HORMAD2: variants seen among roughly 807,000 people sequenced by gnomAD.
HORMAD2 encodes HORMA domain-containing protein 2.
Under a neutral mutation model 38.8 loss-of-function variants are expected in HORMAD2, and 45 were observed. The ratio of observed to expected loss-of-function variants is 1.16; its 90% CI spans 0.91 to 1.49. The LOEUF (loss-of-function observed/expected upper bound fraction) is 1.49, where lower values mean the gene tolerates loss of function less well. Ranked by LOEUF, HORMAD2 falls within the 40% of genes most tolerant of loss-of-function variation. The pLI, the probability that HORMAD2 is intolerant of heterozygous loss-of-function variation, is 0.00. For synonymous variants in HORMAD2, 126 were observed against 122.8 expected, an observed-to-expected ratio of 1.03 and a Z score of -0.17; for missense variants, 338 against 367.0, an observed-to-expected ratio of 0.92 and a Z score of 0.65.
At chr22:30,108,690 A>AT (rs1921393013) in intron 5 of HORMAD2, among the ~76,000 whole-genome samples, 1 of 151,942 alleles carries the variant, frequency 6.6e-6, no homozygotes, top group East Asian at 1.9e-4. Flanking sequence ...TATCTTTGCT[A>AT]TTTTTTTGTT....
chr22:30,206,605 A>T, the HORMAD2 span, among the ~76,000 whole-genome samples: 1 of 151,444 alleles, frequency 6.6e-6, no homozygotes, highest in Non-Finnish European at 1.5e-5. Flanking sequence ...GCCTCAGCCT[A>T]CCAGGAACTG....
intron 3 of HORMAD2, among the ~76,000 whole-genome samples, chr22:30,100,677 A>T (rs1297785124): frequency 6.6e-6 from 1 of 152,244 alleles, no homozygotes; most frequent in Admixed American, 6.5e-5. Context: ...AATGTTTCCA[A>T]TCTATCCATC....
intron 10 of HORMAD2, among the ~76,000 whole-genome samples, chr22:30,138,625 C>T (rs1923835120): frequency 6.6e-6 from 1 of 151,792 alleles, no homozygotes; most frequent in African/African-American, 2.4e-5. Flanking sequence ...TTTCTTTCAG[C>T]CATGTTTTGT....
intron 10 of HORMAD2, among the ~76,000 whole-genome samples, chr22:30,160,737 A>G (rs1159916946): frequency 1.3e-5 from 2 of 152,236 alleles, no homozygotes; most frequent in African/African-American, 4.8e-5. Flanking sequence ...AAGCAATTAA[A>G]TAACTATAGT....
At chr22:30,181,965 C>G (rs933711680), downstream of HORMAD2, among the ~76,000 whole-genome samples, 5 of 152,214 alleles carry the variant, frequency 3.3e-5, no homozygotes, top group Admixed American at 1.3e-4. Context: ...ATACTGTAGT[C>G]TCTTCTAGCT....
At chr22:30,133,708 A>G (rs1325967396) in intron 10 of HORMAD2, among the ~76,000 whole-genome samples, 1 of 151,788 alleles carries the variant, frequency 6.6e-6, no homozygotes, top group East Asian at 1.9e-4. Context: ...CTTGTCCCCC[A>G]TGGTTCCCTA....
Position 30,107,355 on chromosome 22 carries a change from T to C in HORMAD2, c.294+2918T>C, listed in dbSNP as rs545689644. 6.3e-4 allele frequency among the ~76,000 whole-genome samples: 96 copies of C among 152,376 alleles called. 1 individual carries two copies. The highest frequency in any genetic ancestry group is 1.2e-3 in the Non-Finnish European group (80 of 68,038). On this transcript the variant is annotated intron_variant, in intron 5 of 10. Coordinates refer to ENST00000336726, the MANE Select transcript of HORMAD2 (RefSeq NM_152510.4). ...ATCAAAAGACAAAATTTTAGATAGATGACTTAGTCTCTTAAGTAAATAGTA... is the reference window on the plus strand; with the variant it reads ...ATCAAAAGACAAAATTTTAGATAGACGACTTAGTCTCTTAAGTAAATAGTA...
the HORMAD2 span, among the ~76,000 whole-genome samples, chr22:30,183,922 A>G: frequency 6.6e-6 from 1 of 152,226 alleles, no homozygotes; most frequent in Non-Finnish European, 1.5e-5. Flanking sequence ...CCTGCCTTCA[A>G]TGTGCACAAC....
intron 1 of HORMAD2, among the ~76,000 whole-genome samples, chr22:30,091,426 C>T (rs1601504183): frequency 6.6e-6 from 1 of 151,826 alleles, no homozygotes; most frequent in South Asian, 2.1e-4. Context: ...CCACCACACC[C>T]AGCTAATTTT....
In HORMAD2 at chr22:30,154,203, C is replaced by T. The variant is rs116416446; in HGVS notation, c.820-21860C>T. 3.3e-3 allele frequency among the ~76,000 whole-genome samples: 505 copies of T among 152,228 alleles called. 1 individual carries two copies. The highest frequency in any genetic ancestry group is 0.012 in the African/African-American group (481 of 41,522). On this transcript the variant is annotated intron_variant, in intron 10 of 10. Coordinates refer to ENST00000336726, the MANE Select transcript of HORMAD2 (RefSeq NM_152510.4). ...ACATGGACACATTTCAGAATAGTCA[C>T]TAGATAGGTTAGAAAAGAATAAGTG...
At chr22:30,128,936 C>T (rs903403357) in intron 10 of HORMAD2, among the ~76,000 whole-genome samples, 15 of 152,018 alleles carry the variant, frequency 9.9e-5, no homozygotes, top group East Asian at 1.9e-4. Context: ...ATGCCCTGGC[C>T]GGGCGCGGTG....
the HORMAD2 span, among the ~76,000 whole-genome samples, chr22:30,193,561 G>C: frequency 1.1e-4 from 16 of 152,166 alleles, no homozygotes; most frequent in Non-Finnish European, 1.6e-4. Context: ...AGTGGTGTTT[G>C]AGCTGAGGCC....
At position 30,112,509 on chromosome 22, in the gene HORMAD2, C is replaced by A; in HGVS notation, c.329C>A (p.Pro110His). Reference protein sequence around the residue: ...RMAVLTLYTDPMGSEKVTEMY... With the variant: ...RMAVLTLYTDHMGSEKVTEMY... Reference sequence around the variant, plus strand: ...TCCCTTATACAGCTTTACACAGATCCCATGGGATCTGAGGTAAGAACACAC... The same window carrying A: ...TCCCTTATACAGCTTTACACAGATCACATGGGATCTGAGGTAAGAACACAC... The change falls in exon 7 of 11, where the codon CCC (proline) becomes CAC (histidine). Residue 110 changes from proline to histidine, a missense_variant. By Grantham distance (77) the Pro-to-His change is moderately conservative. Transcript: ENST00000336726. 1.4e-6 allele frequency: 2 copies of A among 1,390,302 alleles called. No homozygotes were observed. Among genetic ancestry groups the A allele is most frequent in the Non-Finnish European group, 1.9e-6 (2 of 1,042,480 alleles). 86.1% of individuals were successfully genotyped at this position (1,390,302 alleles called of 1,614,324 possible). A position where few individuals can be genotyped will look rare whatever the true frequency, so the allele number is the denominator to read the frequency against.
chr22:30,205,115 C>T, the HORMAD2 span, among the ~76,000 whole-genome samples: 3 of 152,098 alleles, frequency 2.0e-5, no homozygotes, highest in Non-Finnish European at 2.9e-5. Flanking sequence ...TATAATATTG[C>T]GAGTGTCAGA....
chr22:30,198,439 C>T, the HORMAD2 span, among the ~76,000 whole-genome samples: 1 of 152,090 alleles, frequency 6.6e-6, no homozygotes, highest in African/African-American at 2.4e-5. Flanking sequence ...CACACAGATA[C>T]CTGAATGCCT....
intron 10 of HORMAD2, among the ~76,000 whole-genome samples, chr22:30,173,711 G>A (rs573141324): frequency 1.3e-5 from 2 of 152,266 alleles, no homozygotes; most frequent in Admixed American, 6.5e-5. Flanking sequence ...TAAATGTGGG[G>A]GTCTTTGCTT....
chr22:30,171,250 C>G (rs1215204640), intron 10 of HORMAD2, among the ~76,000 whole-genome samples: 1 of 152,184 alleles, frequency 6.6e-6, no homozygotes, highest in Non-Finnish European at 1.5e-5. Context: ...ATCTCCAACC[C>G]AGACCTCTTT....
At chr22:30,113,890 A>G (rs996349351) in intron 7 of HORMAD2, among the ~76,000 whole-genome samples, 2 of 152,148 alleles carry the variant, frequency 1.3e-5, no homozygotes, top group African/African-American at 2.4e-5. Flanking sequence ...AACTAGTTCT[A>G]TCTTTTATTT....
chr22:30,130,538 A>C (rs1375881751), intron 10 of HORMAD2, among the ~76,000 whole-genome samples: 1 of 151,472 alleles, frequency 6.6e-6, no homozygotes, highest in Middle Eastern at 3.2e-3. Flanking sequence ...CTTATCATTT[A>C]ATCTGCCCCC....
Sources: allele counts gnomAD v4.1 joint callset (sites outside exome capture counted in the v4.1 genomes callset), GRCh38; gene constraint gnomAD v4.1.1; transcripts MANE v1.5; gene names NCBI Gene and HGNC (gene_info 2026-07-23, HGNC 2026-07-21).